Variants in PIEZO1 observed in about 807,000 individuals in gnomAD.
PIEZO1 encodes the protein piezo-type mechanosensitive ion channel component 1.
In PIEZO1, 296 loss-of-function variants were observed where a neutral mutation model predicts 297.2. The observed-to-expected ratio is 1.00, with a 90% CI of 0.91 to 1.10. The LOEUF is 1.10. PIEZO1 is among the 50% of genes least tolerant of loss of function. The probability of loss-of-function intolerance (pLI) is 0.00; values close to 1 mark genes in which losing one functional copy is unlikely to be tolerated. For missense variants in PIEZO1, 5,018 were observed against 3,455.5 expected, an observed-to-expected ratio of 1.45 and a Z score of -11.34; for synonymous variants, 2,427 against 1,507.5, an observed-to-expected ratio of 1.61 and a Z score of -14.13.
In PIEZO1 at chr16:88,727,091, G is replaced by A. The variant is rs1343907206; in HGVS notation, c.3403C>T (p.Leu1135=). The change falls in exon 24 of 51, where the codon CTG becomes TTG. Residue 1135 remains leucine, a synonymous_variant. Transcript: ENST00000301015. The part of the protein sequence containing the change: ...QRMAGVNTDR[L]EPLRGEPNPV... ...TTGGGCTCCCCCCGCAGCGGCTCCA[G>A]GCGGTCGGTGTTGACGCCAGCCATG... The A allele has an allele frequency of 2.6e-6, 4 of 1,549,790 alleles. No homozygotes were observed. The highest frequency in any genetic ancestry group is 1.4e-5 in the African/African-American group (1 of 73,056).
At chr16:88,738,166 G>T in intron 7 of PIEZO1, 61 bp from the exon 8 acceptor site, 2 of 1,533,796 alleles carry the variant, frequency 1.3e-6, no homozygotes, top group South Asian at 2.4e-5. Flanking sequence ...ACAGGGGCTA[G>T]ACGAGCCAGG....
At chr16:88,758,581 G>A (rs1365821644) in intron 1 of PIEZO1, among the ~76,000 whole-genome samples, 1 of 152,220 alleles carries the variant, frequency 6.6e-6, no homozygotes, top group African/African-American at 2.4e-5. Flanking sequence ...GGACTCACAA[G>A]ACACAGCAGA....
intron 22 of PIEZO1, 193 bp from the exon 23 acceptor site, chr16:88,727,854 C>T: frequency 1.3e-5 from 5 of 393,306 alleles, no homozygotes; most frequent in Non-Finnish European, 1.4e-5. Flanking sequence ...TTCAACTCTG[C>T]ACCAAGCCCC....
chr16:88,734,980 G>T lies in PIEZO1; in HGVS notation c.1743C>A (p.Ile581=), dbSNP rs1905107439. 1 of 1,550,546 alleles carries T rather than the reference G, an allele frequency of 6.4e-7. No homozygotes were observed. Among genetic ancestry groups the T allele is most frequent in the South Asian group, 1.2e-5 (1 of 84,066 alleles). ...LVKGVYAKYW[I]YVCAGMFIVV... is the part of the protein sequence containing the mutation. ...CGATGAACATGCCAGCACACACATA[G>T]ATCCAGTACTTGGCGTACACGCCCT... The change falls in exon 14 of 51, where the codon ATC becomes ATA. Residue 581 remains isoleucine, a synonymous_variant. Transcript: ENST00000301015.
At chr16:88,735,500 T>C (rs1905151139) in intron 12 of PIEZO1, among the ~76,000 whole-genome samples, 4 of 152,004 alleles carry the variant, frequency 2.6e-5, no homozygotes, top group Non-Finnish European at 5.9e-5. Flanking sequence ...CACACACGGG[T>C]TCACTAGTTC....
At position 88,756,892 on chromosome 16, in the gene PIEZO1, T is replaced by C. The variant is rs373388283; in HGVS notation, c.65-7413A>G. On this transcript the variant is annotated intron_variant, in intron 1 of 50. Transcript: ENST00000301015. ...GAGATCGAGACCATCCTGGCCAACA[T>C]GGTGAAACCCTGTCTCTACTAAAAA... Among the ~76,000 whole-genome samples the C allele has an allele frequency of 4.8e-3, 736 of 151,810 alleles. 1 individual carries two copies. Among genetic ancestry groups the C allele is most frequent in the Non-Finnish European group, 5.3e-3 (363 of 67,962 alleles).
Position 88,784,894 on chromosome 16 carries a change from C to G in PIEZO1, c.64+7G>C, listed in dbSNP as rs759607463. Reference sequence around the variant, plus strand: ...CCGTCGCCCCCAGGCGCCCGCCCCCCACTCACCAGCCAGCAGCGCGCAGGG... The same window carrying G: ...CCGTCGCCCCCAGGCGCCCGCCCCCGACTCACCAGCCAGCAGCGCGCAGGG... On this transcript the variant is annotated splice_region_variant and intron_variant, in intron 1 of 50. Transcript: ENST00000301015. The G allele has an allele frequency of 1.8e-4, 253 of 1,438,230 alleles. 4 individuals are homozygous for G. In the South Asian group the frequency reaches 2.7e-3, roughly 15 times the overall value. The allele number at this position is 1,438,230 out of a possible 1,614,324, so 89.1% of individuals were successfully genotyped here. A position where few individuals can be genotyped will look rare whatever the true frequency, so the allele number is the denominator to read the frequency against.
intron 22 of PIEZO1, among the ~76,000 whole-genome samples, chr16:88,728,094 G>C (rs544142467): frequency 6.6e-6 from 1 of 152,252 alleles, no homozygotes; most frequent in Non-Finnish European, 1.5e-5. Flanking sequence ...GGATCCATGC[G>C]ACAGCCTAGA....
At chr16:88,747,662 G>A (rs1397362393) in intron 2 of PIEZO1, among the ~76,000 whole-genome samples, 2 of 152,254 alleles carry the variant, frequency 1.3e-5, no homozygotes, top group Non-Finnish European at 2.9e-5. Context: ...AATGATGCCT[G>A]CACCCCAGTC....
rs1293165670 is a variant in PIEZO1, at chr16:88,715,486, G to GCAT, written c.*116_*118dup. The GCAT allele has an allele frequency of 4.0e-5, 43 of 1,088,548 alleles. No homozygotes were observed. The highest frequency in any genetic ancestry group is 2.9e-4 in the Admixed American group (13 of 45,198). 67.4% of individuals were successfully genotyped at this position (1,088,548 alleles called of 1,614,324 possible). A position where few individuals can be genotyped will look rare whatever the true frequency, so the allele number is the denominator to read the frequency against. Reference sequence around the variant, plus strand: ...CAGGGCTCAGGCAGGCCGGGAGGATGCATCACAGCTGGCGGCCTTGGACGG... The same window carrying GCAT: ...CAGGGCTCAGGCAGGCCGGGAGGATGCATCATCACAGCTGGCGGCCTTGGACGG... On this transcript the variant is annotated 3_prime_UTR_variant, in exon 51 of 51. Coordinates refer to ENST00000301015, the MANE Select transcript of PIEZO1 (RefSeq NM_001142864.4).
chr16:88,720,430 A>G lies in PIEZO1; in HGVS notation c.5904T>C (p.Asp1968=). ...AAATGATGATGATGAAGTCGACAACATCAGCCAGGAACATGAGGGCATAGA... is the reference window on the plus strand; with the variant it reads ...AAATGATGATGATGAAGTCGACAACGTCAGCCAGGAACATGAGGGCATAGA... ...TDVYALMFLA[D]VVDFIIIIFG... Residue 1968 remains aspartate (D), a synonymous_variant, in exon 41 of 51, where the codon GAT becomes GAC. Coordinates refer to ENST00000301015, the MANE Select transcript of PIEZO1 (RefSeq NM_001142864.4). The G allele has an allele frequency of 6.4e-7, 1 of 1,550,558 alleles. No individual in the cohort carries two copies. The highest frequency in any genetic ancestry group is 8.7e-7 in the Non-Finnish European group (1 of 1,146,962).
At position 88,735,170 on chromosome 16, in the gene PIEZO1, G is replaced by T. The variant is rs1383418669; in HGVS notation, c.1634C>A (p.Pro545Gln). ...CACGGTGACCTCCGTCAGCGCAGCT[G>T]GAGACTCTGCCCACTTCAGCAGCTT... is the stretch of plus-strand genomic sequence containing the variant. ...KEKLLKWAESPAALTEVTVAD... is the reference protein window; with the variant it reads ...KEKLLKWAESQAALTEVTVAD... Residue 545 changes from proline to glutamine, a missense_variant, in exon 13 of 51, where the codon CCA (proline) becomes CAA (glutamine). Physicochemically the swap from Pro to Gln is moderately conservative, Grantham distance 76. Coordinates refer to ENST00000301015, the MANE Select transcript of PIEZO1 (RefSeq NM_001142864.4). 1 of 1,550,364 alleles carries T rather than the reference G, an allele frequency of 6.5e-7. No homozygotes were observed.
At position 88,715,693 on chromosome 16, in the gene PIEZO1, A is replaced by AGCTCCC. The variant is rs755226463; in HGVS notation, c.7472_7477dup (p.Arg2491_Glu2492dup). 6.8e-4 allele frequency: 1,050 copies of AGCTCCC among 1,550,262 alleles called. 1 individual carries two copies. The highest frequency in any genetic ancestry group is 7.7e-4 in the Non-Finnish European group (880 of 1,146,972). ...GGCGTACAACTCCTCCTCCAGCTCC[A>AGCTCCC]GCTCCCGAGTCTCCCGCACCAGGAA... On this transcript the variant is annotated inframe_insertion, in exon 51 of 51. Transcript: ENST00000301015.
rs776396482 is a variant in PIEZO1, at chr16:88,733,928, G to C, written c.2307C>G (p.His769Gln). Residue 769 changes from histidine to glutamine, a missense_variant, in exon 17 of 51, where the codon CAC (histidine) becomes CAG (glutamine). Coordinates refer to ENST00000301015, the MANE Select transcript of PIEZO1 (RefSeq NM_001142864.4). Reference protein sequence around the residue: ...RDEGLGVATPHQATQVPEGAA... With the variant: ...RDEGLGVATPQQATQVPEGAA... ...CACCTTCAGGCACCTGCGTGGCCTG[G>C]TGGGGAGTGGCCACGCCCAGCCCCT... 1.9e-4 allele frequency: 294 copies of C among 1,531,144 alleles called. 2 individuals carry two copies. The highest frequency in any genetic ancestry group is 4.4e-5 in the Non-Finnish European group (50 of 1,135,208). The allele number at this position is 1,531,144 out of a possible 1,614,324, so 94.8% of individuals were successfully genotyped here.
intron 1 of PIEZO1, among the ~76,000 whole-genome samples, chr16:88,765,726 G>A (rs987675112): frequency 1.8e-4 from 27 of 150,242 alleles, no homozygotes; most frequent in African/African-American, 5.7e-4. Flanking sequence ...CCAGGCTGGA[G>A]TGCAGTGGCA....
At position 88,721,184 on chromosome 16, in the gene PIEZO1, T is replaced by C. The variant is rs1273914873; in HGVS notation, c.5650A>G (p.Lys1884Glu). Residue 1884 changes from lysine (K) to glutamate (E), a missense_variant, in exon 39 of 51, where the codon AAA becomes GAA. Physicochemically the swap from Lys to Glu is moderately conservative, Grantham distance 56 (BLOSUM62 1). Transcript: ENST00000301015. ...RRRKKEGPAR[K>E]GAAAIEAEDR... ...CTTATACCGATGGCTGCCGCTCCTT[T>C]CCGTGCTGGGCCCTCCTTCTTCCTT... 2.0e-6 allele frequency: 3 copies of C among 1,510,242 alleles called. No individual in the cohort carries two copies. In the East Asian group the frequency reaches 7.4e-5, roughly 37 times the overall value. The allele number at this position is 1,510,242 out of a possible 1,614,324, so 93.6% of individuals were successfully genotyped here.
rs1480104170 is a variant in PIEZO1 at position 88,719,662 on chromosome 16, T to G, written c.6383A>C (p.Asp2128Ala). Residue 2128 changes from aspartate (D) to alanine (A), a missense_variant, in exon 44 of 51, where the codon GAC becomes GCC. By Grantham distance (126) the Asp-to-Ala change is moderately radical (BLOSUM62 -2). Coordinates refer to ENST00000301015, the MANE Select transcript of PIEZO1 (RefSeq NM_001142864.4). ...CCAGCTGGACAGGGACAGCGTGGTGTCCGTCCACACCCAGTCCATCACTGC... is the reference window on the plus strand; with the variant it reads ...CCAGCTGGACAGGGACAGCGTGGTGGCCGTCCACACCCAGTCCATCACTGC... ...LRAVMDWVWT[D>A]TTLSLSSWMC... 11 of 1,553,860 alleles carry G rather than the reference T, an allele frequency of 7.1e-6. No individual in the cohort carries two copies. Among genetic ancestry groups the G allele is most frequent in the Non-Finnish European group, 7.8e-6 (9 of 1,148,954 alleles).
In PIEZO1 at chr16:88,717,174, ATCTTCT is replaced by A. The variant is rs763477215; in HGVS notation, c.6503_6508del (p.Lys2168_Lys2169del). The A allele has an allele frequency of 4.3e-5, 67 of 1,550,424 alleles. No homozygotes were observed. The highest frequency in any genetic ancestry group is 5.9e-5 in the Admixed American group (3 of 50,986). ...GAGGCCACCCATGCCGTACTTGACGATCTTCTTCTTCTTCTGCCCTTTGGGCTGCGG... is the reference window on the plus strand; with the variant it reads ...GAGGCCACCCATGCCGTACTTGACGATCTTCTTCTGCCCTTTGGGCTGCGG... On this transcript the variant is annotated inframe_deletion, in exon 45 of 51. Transcript: ENST00000301015.
intron 3 of PIEZO1, 26 bp from the exon 4 acceptor site, chr16:88,742,121 G>T (rs1234408094): frequency 1.3e-6 from 2 of 1,535,542 alleles, no homozygotes; most frequent in Non-Finnish European, 1.7e-6. Context: ...GGGGAACCCA[G>T]GTCAGGCTCT....
Sources: gnomAD v4.1 joint callset for allele counts (sites outside exome capture counted in the v4.1 genomes callset) on GRCh38, gnomAD v4.1.1 for gene constraint, MANE v1.5 for transcripts, NCBI Gene and HGNC (gene_info 2026-07-23, HGNC 2026-07-21) for gene names.